Variants in KIF18B observed in about 807,000 individuals in gnomAD.
KIF18B encodes kinesin family member 18B.
A neutral mutation model predicts 80.9 loss-of-function variants in KIF18B; 49 were observed. That is an observed-to-expected ratio of 0.61 (90% CI 0.48 to 0.77). The LOEUF (loss-of-function observed/expected upper bound fraction) is 0.77, where lower values mean the gene tolerates loss of function less well. Among genes scored for constraint, KIF18B ranks in the 30% least tolerant of loss-of-function variants. The pLI, the probability that KIF18B is intolerant of heterozygous loss-of-function variation, is 0.00. For synonymous variants in KIF18B, 439 were observed against 463.9 expected (o/e 0.95, Z 0.69); for missense variants, 994 against 1,127.7 (o/e 0.88, Z 1.70).
chr17:44,930,431 A>G (rs1217552742), intron 11 of KIF18B, among the ~76,000 whole-genome samples: 2 of 152,206 alleles, frequency 1.3e-5, no homozygotes, highest in Non-Finnish European at 2.9e-5. Flanking sequence ...AGTATTTTGT[A>G]GCTAAAAACA....
intron 11 of KIF18B, 31 bp downstream of exon 11, chr17:44,931,571 T>G: frequency 1.2e-6 from 2 of 1,613,796 alleles, no homozygotes; most frequent in Non-Finnish European, 1.7e-6. Flanking sequence ...CTTCCCACCT[T>G]GATTCCAGAA....
intron 1 of KIF18B, among the ~76,000 whole-genome samples, chr17:44,937,134 C>A (rs1443389257): frequency 2.0e-5 from 3 of 151,746 alleles, no homozygotes; most frequent in Non-Finnish European, 4.4e-5. Flanking sequence ...AGAACCTCTT[C>A]ATTACTCTTT....
chr17:44,934,289 T>C lies in KIF18B; in HGVS notation c.829A>G (p.Ile277Val). The C allele has an allele frequency of 1.2e-6, 2 of 1,613,382 alleles. No homozygotes were observed. The highest frequency in any genetic ancestry group is 1.7e-6 in the Non-Finnish European group (2 of 1,179,788). The change falls in exon 6 of 16, where the codon ATC becomes GTC. Residue 277 changes from isoleucine to valine, a missense_variant. By Grantham distance (29) the Ile-to-Val change is conservative. Coordinates refer to ENST00000593135, the MANE Select transcript of KIF18B (RefSeq NM_001265577.2). This position sits in a 1 kb window ranked among gnomAD's most constrained non-coding sequence, Gnocchi z 5.4. ...ATGAGCGCCAGCAGAGAGCGGTTGA[T>C]GTTGGCCCCCTCCCGCAGCCGCTCC... ...KGERLREGAN[I>V]NRSLLALINV... is the part of the protein sequence containing the mutation.
chr17:44,930,342 T>A (rs1278243332), intron 11 of KIF18B, among the ~76,000 whole-genome samples: 1 of 152,164 alleles, frequency 6.6e-6, no homozygotes, highest in East Asian at 1.9e-4. Context: ...AAATTAGGTT[T>A]CAAAAACCCA....
rs988817001 is a variant in KIF18B, at chr17:44,927,560, T to C, written c.2276+466A>G. Among the ~76,000 whole-genome samples, 5 of 152,210 alleles carry C rather than the reference T, an allele frequency of 3.3e-5. No individual in the cohort carries two copies. The highest frequency in any genetic ancestry group is 1.2e-4 in the African/African-American group (5 of 41,454). On this transcript the variant is annotated intron_variant, in intron 13 of 15. Transcript: ENST00000593135. This position sits in a 1 kb window ranked among gnomAD's most constrained non-coding sequence, Gnocchi z 4.1. ...GTCTTCTCACTGGAAAATACTGAACTGAGTTTTCTAAGGACCCCCTTTCCT... is the reference window on the plus strand; with the variant it reads ...GTCTTCTCACTGGAAAATACTGAACCGAGTTTTCTAAGGACCCCCTTTCCT...
Position 44,928,561 on chromosome 17 carries a change from G to C in KIF18B, c.1741C>G (p.Leu581Val). 1 of 1,452,392 alleles carries C rather than the reference G, an allele frequency of 6.9e-7. No homozygotes were observed. Among genetic ancestry groups the C allele is most frequent in the Non-Finnish European group, 9.0e-7 (1 of 1,109,694 alleles). 90.0% of individuals were successfully genotyped at this position (1,452,392 alleles called of 1,614,324 possible). Residue 581 changes from leucine to valine, a missense_variant, in exon 13 of 16, where the codon CTC becomes GTC. Transcript: ENST00000593135. ...CSESIPVPSP[L>V]CPEPPGYTGP... ...GTGTATCCTGGAGGCTCTGGGCAGA[G>C]AGGAGACGGCACAGGGACTGCACAG...
Position 44,928,882 on chromosome 17 carries a change from C to T in KIF18B, c.1660G>A (p.Ala554Thr), listed in dbSNP as rs753137157. 11 of 1,613,936 alleles carry T rather than the reference C, an allele frequency of 6.8e-6. No homozygotes were observed. In the South Asian group the frequency reaches 1.2e-4, roughly 18 times the overall value. The change falls in exon 12 of 16, where the codon GCC becomes ACC. Residue 554 changes from alanine to threonine, a missense_variant. Ala to Thr is a moderately conservative substitution (Grantham distance 58). Transcript: ENST00000593135. ...CTGGCCAGGCCTGAAGTCCTCAAGGCCTCTGCCCCAGGCTCAATTTTTTCC... is the reference window on the plus strand; with the variant it reads ...CTGGCCAGGCCTGAAGTCCTCAAGGTCTCTGCCCCAGGCTCAATTTTTTCC... ...QEEKIEPGAEALRTSGLARGA... is the reference protein window; with the variant it reads ...QEEKIEPGAETLRTSGLARGA...
Position 44,928,697 on chromosome 17 carries a change from G to T in KIF18B, c.1724-119C>A, listed in dbSNP as rs1361482438. On this transcript the variant is annotated intron_variant, in intron 12 of 15. Coordinates refer to ENST00000593135, the MANE Select transcript of KIF18B (RefSeq NM_001265577.2). ...CTGTGTGCAGAAGTCTAGGATCCCA[G>T]GGGCCCAGCCTCCTACAGCAGCAAA... 6 of 1,385,116 alleles carry T rather than the reference G, an allele frequency of 4.3e-6. No homozygotes were observed. In the East Asian group the frequency reaches 1.5e-4, roughly 35 times the overall value. 85.8% of individuals were successfully genotyped at this position (1,385,116 alleles called of 1,614,324 possible).
At position 44,932,053 on chromosome 17, in the gene KIF18B, T is replaced by C; in HGVS notation, c.1389+3A>G. ...ACCCAGGCCTCACACCCCCAAGTCC[T>C]ACCTCCTCAGCTGGGCCTTCATCCT... On this transcript the variant is annotated splice_donor_region_variant and intron_variant, in intron 10 of 15. Transcript: ENST00000593135. 6.2e-7 allele frequency: 1 copy of C among 1,607,882 alleles called. No homozygotes were observed. The highest frequency in any genetic ancestry group is 8.5e-7 in the Non-Finnish European group (1 of 1,176,076).
intron 1 of KIF18B, among the ~76,000 whole-genome samples, chr17:44,941,564 C>T (rs2052419252): frequency 6.6e-6 from 1 of 152,146 alleles, no homozygotes; most frequent in Non-Finnish European, 1.5e-5. Flanking sequence ...GTCTCGCACC[C>T]CTGACCTCAG....
chr17:44,945,820 C>T (rs112912111), intron 1 of KIF18B, among the ~76,000 whole-genome samples: 9,986 of 149,468 alleles, frequency 0.067, 662 homozygotes, highest in African/African-American at 0.17. Context: ...GCAGGAGAAT[C>T]GCTTGAATCT....
Position 44,926,125 on chromosome 17 carries a change from C to A in KIF18B, c.2514G>T (p.Val838=), listed in dbSNP as rs757544680. Residue 838 remains valine (V), a synonymous_variant, in exon 16 of 16, where the codon GTG becomes GTT. Transcript: ENST00000593135. Reference sequence around the variant, plus strand: ...CGTTCCCTGCTGAGAGTGCTCTCCCCACCCTGATGAGGTCCTTTCCATTCC... The same window carrying A: ...CGTTCCCTGCTGAGAGTGCTCTCCCAACCCTGATGAGGTCCTTTCCATTCC... ...NRRNGKDLIR[V]GRALSAGNGV... is the part of the protein sequence containing the mutation. 6.2e-7 allele frequency: 1 copy of A among 1,613,918 alleles called. No individual in the cohort carries two copies. Among genetic ancestry groups the A allele is most frequent in the South Asian group, 1.1e-5 (1 of 91,064 alleles).
chr17:44,946,854 C>T (rs1239832619), intron 1 of KIF18B, among the ~76,000 whole-genome samples: 1 of 152,136 alleles, frequency 6.6e-6, no homozygotes, highest in African/African-American at 2.4e-5. Context: ...GGCGCAGTGG[C>T]TCACATCTGT....
chr17:44,927,082 G>A lies in KIF18B; in HGVS notation c.2277-4C>T, dbSNP rs751552946. On this transcript the variant is annotated splice_region_variant and splice_polypyrimidine_tract_variant and intron_variant, in intron 13 of 15. Transcript: ENST00000593135. The surrounding 1 kb of genome is among the most constrained non-coding windows in gnomAD (Gnocchi z 4.1). The stretch of plus-strand genomic sequence containing the variant: ...GGTGAACAGGGGCACAGGTGCCCTG[G>A]GGAGGGAGGACAGGGAAGGAGGCTG... The A allele has an allele frequency of 1.9e-6, 3 of 1,605,306 alleles. No individual in the cohort carries two copies. The highest frequency in any genetic ancestry group is 8.5e-7 in the Non-Finnish European group (1 of 1,175,148).
rs2052062118 is a variant in KIF18B, at chr17:44,927,934, G to T, written c.2276+92C>A. 8.7e-7 allele frequency: 1 copy of T among 1,151,850 alleles called. No homozygotes were observed. Among genetic ancestry groups the T allele is most frequent in the East Asian group, 2.6e-5 (1 of 37,904 alleles). 71.4% of individuals were successfully genotyped at this position (1,151,850 alleles called of 1,614,324 possible). A position where few individuals can be genotyped will look rare whatever the true frequency, so the allele number is the denominator to read the frequency against. ...CAGATAGGAACCGTCCCAGCTCCAA[G>T]GCTGTCCTCCATACTTCTCAGCAGC... On this transcript the variant is annotated intron_variant, in intron 13 of 15. Coordinates refer to ENST00000593135, the MANE Select transcript of KIF18B (RefSeq NM_001265577.2). The surrounding 1 kb of genome is among the most constrained non-coding windows in gnomAD (Gnocchi z 4.1).
rs2052235957 is a variant in KIF18B, at chr17:44,934,581, T to C, written c.613A>G (p.Arg205Gly). Reference protein sequence around the residue: ...SAEQLLEILTRGNRNRTQHPT... With the variant: ...SAEQLLEILTGGNRNRTQHPT... ...TGCTGCGTGCGGTTACGGTTCCCCCTGGTCAGTATCTCCAGCAGCTGCTCG... is the reference window on the plus strand; with the variant it reads ...TGCTGCGTGCGGTTACGGTTCCCCCCGGTCAGTATCTCCAGCAGCTGCTCG... Residue 205 changes from arginine to glycine, a missense_variant, in exon 5 of 16, where the codon AGG becomes GGG. Physicochemically the swap from Arg to Gly is moderately radical, Grantham distance 125 (BLOSUM62 -2). Transcript: ENST00000593135. This position sits in a 1 kb window ranked among gnomAD's most constrained non-coding sequence, Gnocchi z 5.4. The C allele has an allele frequency of 1.9e-6, 3 of 1,612,082 alleles. No individual in the cohort carries two copies. The highest frequency in any genetic ancestry group is 2.2e-5 in the East Asian group (1 of 44,868).
intron 9 of KIF18B, 199 bp downstream of exon 9, chr17:44,932,474 G>C (rs1474353341): frequency 1.7e-6 from 1 of 596,882 alleles, no homozygotes; most frequent in Non-Finnish European, 3.0e-6. Flanking sequence ...GCTCTTACGG[G>C]CTGGGGTGCC....
chr17:44,946,621 A>G (rs988882500), intron 1 of KIF18B, among the ~76,000 whole-genome samples: 11 of 152,338 alleles, frequency 7.2e-5, no homozygotes, highest in African/African-American at 9.6e-5. Flanking sequence ...TTAGAATTAT[A>G]TGACATATGG....
At chr17:44,932,794 C>G (rs758584625) in intron 8 of KIF18B, 21 bp from the exon 9 acceptor site, 2 of 1,601,212 alleles carry the variant, frequency 1.2e-6, no homozygotes, top group Admixed American at 1.7e-5. Context: ...AGCAGCCCAG[C>G]CCCTGAGAGC....
Sources: gnomAD v4.1 joint callset for allele counts (sites outside exome capture counted in the v4.1 genomes callset) on GRCh38, gnomAD v4.1.1 for gene constraint, Gnocchi (gnomAD v3.1) non-coding constraint, MANE v1.5 for transcripts, NCBI Gene and HGNC (gene_info 2026-07-23, HGNC 2026-07-21) for gene names.